LRRTM4: variants seen among roughly 807,000 people sequenced by gnomAD.
LRRTM4 encodes the protein leucine rich repeat transmembrane neuronal 4.
In LRRTM4, 25 loss-of-function variants were observed where a neutral mutation model predicts 47.6. That is an observed-to-expected ratio of 0.53 (90% CI 0.38 to 0.73). The LOEUF (loss-of-function observed/expected upper bound fraction) is 0.73, where lower values mean the gene tolerates loss of function less well. Among genes scored for constraint, LRRTM4 ranks in the 30% least tolerant of loss-of-function variants. The pLI is 0.00. For missense variants in LRRTM4, 638 were observed against 713.4 expected (o/e 0.89, Z 1.20); for synonymous variants, 311 against 269.5 (o/e 1.15, Z -1.51).
At chr2:76,799,806 C>T (rs376570187) in intron 3 of LRRTM4, among the ~76,000 whole-genome samples, 2,954 of 139,640 alleles carry the variant, frequency 0.021, 86 homozygotes, top group African/African-American at 0.067. Context: ...TATACACCAA[C>T]AACAGACAAA....
intron 3 of LRRTM4, among the ~76,000 whole-genome samples, chr2:77,185,176 C>T (rs7558042): frequency 0.11 from 17,238 of 152,122 alleles, 2,605 homozygotes; most frequent in African/African-American, 0.35. Flanking sequence ...ATGTTCAGCT[C>T]AGCTGCAGCA....
chr2:76,990,997 C>G (rs554116335), intron 3 of LRRTM4, among the ~76,000 whole-genome samples: 1 of 151,862 alleles, frequency 6.6e-6, no homozygotes, highest in Admixed American at 6.6e-5. Flanking sequence ...AAGAAGATCT[C>G]TGTAAACCAC....
chr2:77,487,670 G>A (rs912238663), intron 3 of LRRTM4, among the ~76,000 whole-genome samples: 1 of 152,052 alleles, frequency 6.6e-6, no homozygotes, highest in African/African-American at 2.4e-5. Flanking sequence ...ACCAAAGGCC[G>A]AAGCCCCACC....
intron 3 of LRRTM4, among the ~76,000 whole-genome samples, chr2:77,362,243 A>C (rs993733413): frequency 2.0e-5 from 3 of 152,172 alleles, no homozygotes; most frequent in Non-Finnish European, 4.4e-5. Context: ...ATTCCGAGGC[A>C]GACTGGCTCC....
At chr2:77,179,908 A>G (rs1180198602) in intron 3 of LRRTM4, among the ~76,000 whole-genome samples, 2 of 152,192 alleles carry the variant, frequency 1.3e-5, no homozygotes, top group Non-Finnish European at 2.9e-5. Flanking sequence ...ATAGTTAATC[A>G]GAAATACATA....
intron 3 of LRRTM4, among the ~76,000 whole-genome samples, chr2:76,985,399 C>T (rs1352293157): frequency 6.6e-6 from 1 of 151,970 alleles, no homozygotes; most frequent in African/African-American, 2.4e-5. Context: ...AGTGGGATAG[C>T]ATTTCTTTCC....
At chr2:77,325,216 C>G (rs1484414170) in intron 3 of LRRTM4, among the ~76,000 whole-genome samples, 7 of 152,100 alleles carry the variant, frequency 4.6e-5, no homozygotes, top group Non-Finnish European at 7.4e-5. Context: ...TATCCAAATC[C>G]CTGTATCAGC....
chr2:77,134,525 T>G (rs1026112869), intron 3 of LRRTM4, among the ~76,000 whole-genome samples: 8 of 152,240 alleles, frequency 5.3e-5, no homozygotes, highest in African/African-American at 1.9e-4. Context: ...TTAGTTTTTC[T>G]ATTAAGAAAC....
chr2:76,983,999 C>G (rs1676704831), intron 3 of LRRTM4, among the ~76,000 whole-genome samples: 1 of 151,986 alleles, frequency 6.6e-6, no homozygotes, highest in East Asian at 1.9e-4. Flanking sequence ...GAGCAATTTC[C>G]AGTGTGACTA....
intron 3 of LRRTM4, among the ~76,000 whole-genome samples, chr2:76,809,138 A>G (rs75764760): frequency 0.014 from 2,199 of 152,240 alleles, 49 homozygotes; most frequent in African/African-American, 0.049. Context: ...CAAGAAAATG[A>G]TGAAGAAAAT....
At chr2:77,391,577 T>C (rs1673505117) in intron 3 of LRRTM4, among the ~76,000 whole-genome samples, 1 of 152,054 alleles carries the variant, frequency 6.6e-6, no homozygotes, top group East Asian at 1.9e-4. Flanking sequence ...ATTTACCTCG[T>C]ATGCCAAGAA....
chr2:77,203,123 A>ATG lies in LRRTM4; in HGVS notation c.1551+315193_1551+315194dup, dbSNP rs559438861. ...TATATATACACACACATATATACAT[A>ATG]TGTGTGTGTATATATATGCAGTCCC... On this transcript the variant is annotated intron_variant, in intron 3 of 3. Transcript: ENST00000409884. Among the ~76,000 whole-genome samples the ATG allele has an allele frequency of 2.4e-4, 37 of 152,024 alleles. No individual in the cohort carries two copies. The East Asian group carries it at 3.7e-3, about 15-fold the overall frequency.
intron 3 of LRRTM4, among the ~76,000 whole-genome samples, chr2:77,212,295 A>G (rs1674314007): frequency 6.6e-6 from 1 of 151,662 alleles, no homozygotes; most frequent in Non-Finnish European, 1.5e-5. Flanking sequence ...GAATTTTGGA[A>G]CTATTACTAA....
At chr2:76,963,020 T>C (rs901091899) in intron 3 of LRRTM4, among the ~76,000 whole-genome samples, 2 of 150,882 alleles carry the variant, frequency 1.3e-5, no homozygotes, top group Non-Finnish European at 1.5e-5. Flanking sequence ...ACTCTGACAA[T>C]ATTCAAAGTG....
At chr2:76,759,876 C>T (rs1171570368) in intron 3 of LRRTM4, among the ~76,000 whole-genome samples, 1 of 152,032 alleles carries the variant, frequency 6.6e-6, no homozygotes, top group Non-Finnish European at 1.5e-5. Flanking sequence ...ATATGTAAAC[C>T]ATTTCCTGTT....
At chr2:77,507,944 T>C (rs554030984) in intron 3 of LRRTM4, among the ~76,000 whole-genome samples, 2 of 152,238 alleles carry the variant, frequency 1.3e-5, no homozygotes, top group Admixed American at 1.3e-4. Flanking sequence ...TGGATCATGG[T>C]GTCCCTAGAA....
intron 3 of LRRTM4, among the ~76,000 whole-genome samples, chr2:77,472,190 A>C (rs1677215467): frequency 1.3e-5 from 2 of 152,124 alleles, no homozygotes; most frequent in African/African-American, 4.8e-5. Context: ...AGTGTGGTCT[A>C]GTGTTGCTCA....
chr2:76,905,918 C>T (rs1399996531), intron 3 of LRRTM4, among the ~76,000 whole-genome samples: 2 of 152,126 alleles, frequency 1.3e-5, no homozygotes, highest in African/African-American at 2.4e-5. Flanking sequence ...TTGGAAAACA[C>T]TCTGCAGGAT....
intron 3 of LRRTM4, among the ~76,000 whole-genome samples, chr2:77,405,705 G>C (rs1462088286): frequency 6.6e-6 from 1 of 152,092 alleles, no homozygotes; most frequent in Non-Finnish European, 1.5e-5. Context: ...ATTGATAAGT[G>C]ATCTTAAAGG....
Sources: allele counts gnomAD v4.1 joint callset (sites outside exome capture counted in the v4.1 genomes callset), GRCh38; gene constraint gnomAD v4.1.1; transcripts MANE v1.5; gene names NCBI Gene and HGNC (gene_info 2026-07-23, HGNC 2026-07-21).